CNTN4: variants seen among roughly 807,000 people sequenced by gnomAD.
The protein encoded by CNTN4 is contactin-4.
In CNTN4, 77 loss-of-function variants were observed where a neutral mutation model predicts 122.5. The ratio of observed to expected loss-of-function variants is 0.63; its 90% CI spans 0.52 to 0.76. CNTN4 has a LOEUF of 0.76. Among genes scored for constraint, CNTN4 ranks in the 30% least tolerant of loss-of-function variants. The pLI is 0.00. For synonymous variants in CNTN4, 512 were observed against 447.0 expected, an observed-to-expected ratio of 1.15 and a Z score of -1.83; for missense variants, 1,256 against 1,259.1, an observed-to-expected ratio of 1.00 and a Z score of 0.04.
At chr3:2,411,958 C>A (rs1232626439) in intron 3 of CNTN4, among the ~76,000 whole-genome samples, 1 of 152,122 alleles carries the variant, frequency 6.6e-6, no homozygotes, top group Non-Finnish European at 1.5e-5. Flanking sequence ...TAAAAGTTCT[C>A]TTTTACTCCT....
chr3:2,823,136 C>T (rs189731703), intron 7 of CNTN4, among the ~76,000 whole-genome samples: 17 of 152,284 alleles, frequency 1.1e-4, no homozygotes, highest in Admixed American at 2.6e-4. Context: ...ACTGTTTTTC[C>T]GGGCTGTGTG....
chr3:2,486,686 A>AG, intron 3 of CNTN4, among the ~76,000 whole-genome samples: 1 of 152,298 alleles, frequency 6.6e-6, no homozygotes, highest in Middle Eastern at 3.4e-3. Context: ...AGCTTGGCTG[A>AG]GTATTTTTGT....
intron 3 of CNTN4, among the ~76,000 whole-genome samples, chr3:2,438,184 G>A (rs114170996): frequency 0.015 from 2,350 of 152,050 alleles, 22 homozygotes; most frequent in Non-Finnish European, 0.02. Flanking sequence ...CTTTAAAAGC[G>A]TTCAGCATTG....
At chr3:2,755,770 G>GAT (rs909637424) in intron 6 of CNTN4, among the ~76,000 whole-genome samples, 195 of 152,170 alleles carry the variant, frequency 1.3e-3, no homozygotes, top group Non-Finnish European at 2.1e-3. Context: ...CTGAGAGTAT[G>GAT]ATATATATAT....
At chr3:2,911,507 C>A (rs2151225705) in intron 12 of CNTN4, among the ~76,000 whole-genome samples, 1 of 152,196 alleles carries the variant, frequency 6.6e-6, no homozygotes, top group South Asian at 2.1e-4. Flanking sequence ...AGAATTCCAG[C>A]AGAAGATAAT....
At chr3:2,788,826 A>T (rs138379379) in intron 6 of CNTN4, among the ~76,000 whole-genome samples, 225 of 152,344 alleles carry the variant, frequency 1.5e-3, no homozygotes, top group African/African-American at 5.0e-3. Context: ...GCAGGAGAGG[A>T]TAACCTCTGT....
At chr3:2,170,207 C>T (rs1010309855) in intron 2 of CNTN4, among the ~76,000 whole-genome samples, 8 of 151,596 alleles carry the variant, frequency 5.3e-5, no homozygotes, top group Non-Finnish European at 8.8e-5. Flanking sequence ...GTAGTCCCAG[C>T]TACTCGGGAG....
At chr3:2,715,672 A>C (rs1447172639) in intron 4 of CNTN4, among the ~76,000 whole-genome samples, 1 of 152,202 alleles carries the variant, frequency 6.6e-6, no homozygotes, top group African/African-American at 2.4e-5. Flanking sequence ...TACAAGATCA[A>C]GGTGCCACCT....
chr3:2,852,351 A>G (rs2093562224), intron 7 of CNTN4, among the ~76,000 whole-genome samples: 7 of 152,190 alleles, frequency 4.6e-5, no homozygotes, highest in African/African-American at 1.7e-4. Flanking sequence ...CTATGATAAG[A>G]TATTAGGGTA....
rs756796142 is a variant in CNTN4 at position 2,745,498 on chromosome 3, T to C, written c.183-24T>C. 8.2e-6 allele frequency: 13 copies of C among 1,584,794 alleles called. No individual in the cohort carries two copies. In the South Asian group the frequency reaches 1.3e-4, roughly 16 times the overall value. On this transcript the variant is annotated intron_variant, in intron 5 of 24. Coordinates refer to ENST00000418658, the MANE Select transcript of CNTN4 (RefSeq NM_175607.3). ...TATTGATTAATATGACAAGACTTTA[T>C]CTACTGGCATTTTTATACTATAGGT...
intron 2 of CNTN4, among the ~76,000 whole-genome samples, chr3:2,243,087 A>G (rs2040006458): frequency 6.6e-6 from 1 of 152,104 alleles, no homozygotes; most frequent in Non-Finnish European, 1.5e-5. Flanking sequence ...CTGTATTTGT[A>G]TACTTCCATA....
chr3:2,239,577 A>G (rs2039849001), intron 2 of CNTN4, among the ~76,000 whole-genome samples: 1 of 152,146 alleles, frequency 6.6e-6, no homozygotes, highest in South Asian at 2.1e-4. Flanking sequence ...TCAGTTCCTT[A>G]TTTATAGTCA....
At chr3:2,827,007 A>G (rs1163866546) in intron 7 of CNTN4, among the ~76,000 whole-genome samples, 2 of 152,170 alleles carry the variant, frequency 1.3e-5, no homozygotes, top group Non-Finnish European at 2.9e-5. Context: ...CTAAACCTCC[A>G]ACCATAACAT....
chr3:2,829,484 G>C (rs952431322), intron 7 of CNTN4, among the ~76,000 whole-genome samples: 1 of 152,204 alleles, frequency 6.6e-6, no homozygotes, highest in Non-Finnish European at 1.5e-5. Context: ...AAGCAAAAGG[G>C]AGGAATTGGG....
intron 4 of CNTN4, among the ~76,000 whole-genome samples, chr3:2,610,224 C>T (rs1259098897): frequency 1.3e-5 from 2 of 152,178 alleles, no homozygotes; most frequent in Admixed American, 1.3e-4. Flanking sequence ...GAAGTTTGCT[C>T]ACTTCCATTC....
intron 10 of CNTN4, among the ~76,000 whole-genome samples, chr3:2,895,981 C>T (rs899532221): frequency 6.6e-6 from 1 of 152,172 alleles, no homozygotes; most frequent in African/African-American, 2.4e-5. Context: ...TGCAGCGAGC[C>T]AAGATGGCGC....
chr3:2,821,212 C>A (rs139655179), intron 7 of CNTN4, among the ~76,000 whole-genome samples: 5,835 of 152,190 alleles, frequency 0.038, 138 homozygotes, highest in Middle Eastern at 0.065. Context: ...CCACCTTGGC[C>A]TCCCAAAGTG....
chr3:2,673,771 C>T lies in CNTN4; in HGVS notation c.56-62444C>T, dbSNP rs561251194. Reference sequence around the variant, plus strand: ...GTTAGCCAGGATGGTCTTGATTTCCCGACCTCGTGATCCGCCTGCCTCAGC... The same window carrying T: ...GTTAGCCAGGATGGTCTTGATTTCCTGACCTCGTGATCCGCCTGCCTCAGC... On this transcript the variant is annotated intron_variant, in intron 4 of 24. Coordinates refer to ENST00000418658, the MANE Select transcript of CNTN4 (RefSeq NM_175607.3). Among the ~76,000 whole-genome samples the T allele has an allele frequency of 2.6e-4, 39 of 152,022 alleles. No homozygotes were observed. In the South Asian group the frequency reaches 7.1e-3, roughly 28 times the overall value.
intron 3 of CNTN4, among the ~76,000 whole-genome samples, chr3:2,398,211 A>G (rs2046710281): frequency 6.6e-6 from 1 of 152,204 alleles, no homozygotes; most frequent in South Asian, 2.1e-4. Context: ...GTATGCTTAA[A>G]GAATAGGATT....
Sources: gnomAD v4.1 joint callset for allele counts (sites outside exome capture counted in the v4.1 genomes callset) on GRCh38, gnomAD v4.1.1 for gene constraint, MANE v1.5 for transcripts, NCBI Gene and HGNC (gene_info 2026-07-23, HGNC 2026-07-21) for gene names.